MYO3A: variants seen among roughly 807,000 people sequenced by gnomAD.
The protein encoded by MYO3A is myosin-IIIa.
A neutral mutation model predicts 192.7 loss-of-function variants in MYO3A; 180 were observed. That is an observed-to-expected ratio of 0.93 (90% CI 0.83 to 1.06). The LOEUF (loss-of-function observed/expected upper bound fraction) is 1.06. Ranked by LOEUF, MYO3A falls within the 50% of genes least tolerant of loss-of-function variation. The pLI is 0.00. For missense variants in MYO3A, 1,896 were observed against 1,905.0 expected (o/e 1.00, Z 0.09); for synonymous variants, 628 against 645.3 (o/e 0.97, Z 0.41).
chr10:26,153,371 C>T (rs1292708564), intron 23 of MYO3A, among the ~76,000 whole-genome samples: 1 of 152,146 alleles, frequency 6.6e-6, no homozygotes, highest in East Asian at 1.9e-4. Flanking sequence ...TTTGTGTAGT[C>T]CTTAGAATGA....
chr10:26,090,570 T>C (rs1836639594), intron 15 of MYO3A, among the ~76,000 whole-genome samples: 1 of 152,234 alleles, frequency 6.6e-6, no homozygotes, highest in Non-Finnish European at 1.5e-5. Flanking sequence ...TATAACACTT[T>C]TTCCATTTTT....
intron 20 of MYO3A, among the ~76,000 whole-genome samples, chr10:26,130,687 T>G (rs2131765792): frequency 6.6e-6 from 1 of 152,338 alleles, no homozygotes; most frequent in South Asian, 2.1e-4. Context: ...CTTCATAGTC[T>G]TATGAACCAG....
rs1568463 is a variant in MYO3A at position 26,009,809 on chromosome 10, T to A, written c.509-7011T>A. Among the ~76,000 whole-genome samples the A allele has an allele frequency of 7.1e-3, 1,075 of 152,332 alleles. 15 individuals are homozygous for A. The highest frequency in any genetic ancestry group is 0.025 in the African/African-American group (1,029 of 41,562). ...AGTATTTTGGACTAGAACTAAAATA[T>A]CTTAGTCTGCAGCTCTAAAATTTTA... On this transcript the variant is annotated intron_variant, in intron 6 of 34. Coordinates refer to ENST00000642920, the MANE Select transcript of MYO3A (RefSeq NM_017433.5).
intron 23 of MYO3A, among the ~76,000 whole-genome samples, chr10:26,148,529 C>G (rs1840605620): frequency 6.6e-6 from 1 of 152,246 alleles, no homozygotes; most frequent in African/African-American, 2.4e-5. Context: ...TCAATTTCTA[C>G]CAAAAATCCT....
chr10:26,020,257 A>G (rs1842234471), intron 7 of MYO3A, among the ~76,000 whole-genome samples: 1 of 152,054 alleles, frequency 6.6e-6, no homozygotes, highest in Non-Finnish European at 1.5e-5. Flanking sequence ...CTGTTGCCCG[A>G]TATGTTGTGT....
At chr10:25,992,799 C>T (rs895764525) in intron 4 of MYO3A, among the ~76,000 whole-genome samples, 1 of 152,134 alleles carries the variant, frequency 6.6e-6, no homozygotes, top group African/African-American at 2.4e-5. Flanking sequence ...TGTTTATATG[C>T]TGGATTACGT....
In MYO3A at chr10:26,212,109, C is replaced by T. The variant is rs1298950288; in HGVS notation, c.*146C>T. 1.2e-5 allele frequency: 15 copies of T among 1,244,082 alleles called. No homozygotes were observed. In the South Asian group the frequency reaches 2.0e-4, roughly 16 times the overall value. 77.1% of individuals were successfully genotyped at this position (1,244,082 alleles called of 1,614,324 possible). ...GAGGCTGCCTGCTGCGCTCGGCCCT[C>T]AAGTGCCCGGGCCGGCCTTCGTGCT... On this transcript the variant is annotated 3_prime_UTR_variant, in exon 35 of 35. Coordinates refer to ENST00000642920, the MANE Select transcript of MYO3A (RefSeq NM_017433.5).
Position 26,088,399 on chromosome 10 carries a change from A to C in MYO3A, c.1556A>C (p.Gln519Pro). ...CTGGAAAAATCCCGAGTTATCCACC[A>C]AGCTATGTAAGTTTATTTCAAATCT... ...YLLEKSRVIH[Q>P]AIGEKNFHIF... is the part of the protein sequence containing the mutation. The change falls in exon 15 of 35, where the codon CAA (glutamine) becomes CCA (proline). Residue 519 changes from glutamine to proline, a missense_variant. Gln to Pro is a moderately conservative substitution (Grantham distance 76, BLOSUM62 -1). Transcript: ENST00000642920. 1 of 1,612,790 alleles carries C rather than the reference A, an allele frequency of 6.2e-7. No homozygotes were observed.
chr10:26,163,654 G>A (rs1418274910), intron 26 of MYO3A, among the ~76,000 whole-genome samples: 1 of 152,162 alleles, frequency 6.6e-6, no homozygotes, highest in Non-Finnish European at 1.5e-5. Context: ...AATGGAGGAG[G>A]AAGGAAAAAG....
intron 6 of MYO3A, among the ~76,000 whole-genome samples, chr10:26,003,283 A>G (rs1840969114): frequency 6.6e-6 from 1 of 152,220 alleles, no homozygotes; most frequent in Non-Finnish European, 1.5e-5. Context: ...TGCTATACAC[A>G]TAGTAGGTGC....
chr10:25,942,666 G>C (rs1307214467), intron 2 of MYO3A, among the ~76,000 whole-genome samples: 1 of 152,012 alleles, frequency 6.6e-6, no homozygotes, highest in Admixed American at 6.6e-5. Flanking sequence ...ATTGCATTGT[G>C]ACTTTTTGAT....
intron 6 of MYO3A, among the ~76,000 whole-genome samples, chr10:26,010,598 G>A (rs2131004055): frequency 6.6e-6 from 1 of 152,026 alleles, no homozygotes; most frequent in Middle Eastern, 3.4e-3. Context: ...CAAATAGTTG[G>A]GACTACAGGC....
chr10:26,026,505 A>T lies in MYO3A; in HGVS notation c.926A>T (p.Gln309Leu). The T allele has an allele frequency of 6.2e-7, 1 of 1,614,152 alleles. No individual in the cohort carries two copies. The highest frequency in any genetic ancestry group is 8.5e-7 in the Non-Finnish European group (1 of 1,179,990). ...CTAACGGAATTCATTGGCATCCATC[A>T]ATGCATGGGAGGCACAGAAAAGGCC... ...KQLTEFIGIH[Q>L]CMGGTEKARR... Residue 309 changes from glutamine (Q) to leucine (L), a missense_variant, in exon 10 of 35, where the codon CAA becomes CTA. Coordinates refer to ENST00000642920, the MANE Select transcript of MYO3A (RefSeq NM_017433.5).
intron 4 of MYO3A, among the ~76,000 whole-genome samples, chr10:25,961,556 T>C (rs907534360): frequency 6.6e-5 from 10 of 152,080 alleles, no homozygotes; most frequent in African/African-American, 1.9e-4. Flanking sequence ...TATCTCTAAA[T>C]GACTTTGGAA....
At chr10:26,125,895 G>GT (rs923796159) in intron 19 of MYO3A, among the ~76,000 whole-genome samples, 2 of 151,912 alleles carry the variant, frequency 1.3e-5, no homozygotes, top group African/African-American at 2.4e-5. Context: ...GAACTAATAG[G>GT]TTTTTTTAAT....
intron 4 of MYO3A, among the ~76,000 whole-genome samples, chr10:25,959,164 C>A (rs897668849): frequency 6.6e-6 from 1 of 152,120 alleles, no homozygotes; most frequent in Admixed American, 6.6e-5. Context: ...TTATTTCTTT[C>A]TCTTGCCTGA....
chr10:25,968,974 T>G (rs1479620588), intron 4 of MYO3A, among the ~76,000 whole-genome samples: 1 of 152,248 alleles, frequency 6.6e-6, no homozygotes, highest in Non-Finnish European at 1.5e-5. Flanking sequence ...GCATGGTGGC[T>G]CACGCCTGTA....
chr10:26,094,607 G>A (rs1006771865), intron 15 of MYO3A, among the ~76,000 whole-genome samples: 1 of 151,912 alleles, frequency 6.6e-6, no homozygotes, highest in African/African-American at 2.4e-5. Context: ...TGTATTTTTA[G>A]TAGAGACGGG....
At chr10:26,120,851 G>A in intron 18 of MYO3A, 49 bp downstream of exon 18, 3 of 1,603,622 alleles carry the variant, frequency 1.9e-6, no homozygotes. Flanking sequence ...CAAATCTTAT[G>A]ACATACCATA....
Sources: gnomAD v4.1 joint callset for allele counts (sites outside exome capture counted in the v4.1 genomes callset) on GRCh38, gnomAD v4.1.1 for gene constraint, MANE v1.5 for transcripts, NCBI Gene and HGNC (gene_info 2026-07-23, HGNC 2026-07-21) for gene names.